The following TMEM268 variants were observed in gnomAD, a reference collection of about 807,000 sequenced individuals.
TMEM268 encodes the protein transmembrane protein C9orf91.
Under a neutral mutation model 39.1 loss-of-function variants are expected in TMEM268, and 24 were observed. That is an observed-to-expected ratio of 0.61 (90% confidence interval 0.44 to 0.86). The LOEUF is 0.86. Ranked by LOEUF, TMEM268 falls within the 40% of genes least tolerant of loss-of-function variation. The pLI, the probability that TMEM268 is intolerant of heterozygous loss-of-function variation, is 0.00. For missense variants in TMEM268, 409 were observed against 428.6 expected (o/e 0.95, Z 0.40); for synonymous variants, 176 against 173.5 (o/e 1.01, Z -0.12).
chr9:114,615,728 C>G (rs536843973), intron 1 of TMEM268, among the ~76,000 whole-genome samples: 2 of 152,298 alleles, frequency 1.3e-5, no homozygotes, highest in South Asian at 2.1e-4. Context: ...GTGTCTTGCT[C>G]TCTCAGGCTG....
chr9:114,605,334 C>CT, the TMEM268 span, among the ~76,000 whole-genome samples: 18 of 151,404 alleles, frequency 1.2e-4, 1 homozygote, highest in East Asian at 2.1e-3. Flanking sequence ...TCTAGTTTTG[C>CT]TTTTTTTTCT....
At position 114,646,299 on chromosome 9, in the gene TMEM268, A is replaced by G. The variant is rs1827565671; in HGVS notation, c.*2986A>G. 6.6e-6 allele frequency: 1 copy of G among 152,210 alleles called. No individual in the cohort carries two copies. The highest frequency in any genetic ancestry group is 2.1e-4 in the South Asian group (1 of 4,828). 9.4% of individuals were successfully genotyped at this position (152,210 alleles called of 1,614,324 possible). ...TTGAGTCTCATTCCTCATCTATAGG[A>G]TGGGAATAAGAGCATGTACCTGGCA... On this transcript the variant is annotated 3_prime_UTR_variant, in exon 9 of 9. Coordinates refer to ENST00000288502, the MANE Select transcript of TMEM268 (RefSeq NM_153045.4).
chr9:114,613,990 G>C (rs1845606029), intron 1 of TMEM268, among the ~76,000 whole-genome samples: 1 of 152,116 alleles, frequency 6.6e-6, no homozygotes, highest in South Asian at 2.1e-4. Flanking sequence ...TGAGGAAAGG[G>C]GCCTGTCTGG....
chr9:114,624,107 C>G, intron 2 of TMEM268: 1 of 607,090 alleles, frequency 1.6e-6, no homozygotes, highest in Non-Finnish European at 2.4e-6. Flanking sequence ...GAAAATTCTT[C>G]CTTATATGGT....
chr9:114,627,936 C>A (rs76455359), intron 4 of TMEM268, among the ~76,000 whole-genome samples, 165 bp from the exon 5 acceptor site: 5,798 of 152,250 alleles, frequency 0.038, 170 homozygotes, highest in Non-Finnish European at 0.052. Context: ...GGAACATTAG[C>A]TCATTCTCAC....
At chr9:114,611,675 G>C (rs946682376) in intron 1 of TMEM268, 111 bp downstream of exon 1, 4 of 153,100 alleles carry the variant, frequency 2.6e-5, no homozygotes, top group Middle Eastern at 3.4e-3. Flanking sequence ...GCCTGCGTTC[G>C]GGCCAGACGG....
At chr9:114,637,366 C>T (rs1846687472) in intron 7 of TMEM268, among the ~76,000 whole-genome samples, 1 of 150,598 alleles carries the variant, frequency 6.6e-6, no homozygotes, top group Non-Finnish European at 1.5e-5. Context: ...GATCTCTGCT[C>T]ACTGCAGCCT....
chr9:114,614,072 C>T (rs1344115339), intron 1 of TMEM268, among the ~76,000 whole-genome samples: 1 of 152,160 alleles, frequency 6.6e-6, no homozygotes, highest in Non-Finnish European at 1.5e-5. Flanking sequence ...GGAGGTAGAC[C>T]TCTCTATCCC....
chr9:114,616,667 A>AT lies in TMEM268; in HGVS notation c.-78-437dup, dbSNP rs779083795. Among the ~76,000 whole-genome samples the AT allele has an allele frequency of 9.7e-3, 1,386 of 143,478 alleles. 11 individuals are homozygous for AT. Among genetic ancestry groups the AT allele is most frequent in the African/African-American group, 0.027 (1,055 of 39,246 alleles). 94.1% of individuals were successfully genotyped at this position (143,478 alleles called of 152,430 possible). On this transcript the variant is annotated intron_variant, in intron 1 of 8. Transcript: ENST00000288502. ...AGGCGTGAGCCACCGTGCCTGGCTG[A>AT]TTTTTTTTTTTTTTAATGTGTATTT...
chr9:114,609,492 G>C (rs1052283931), upstream of TMEM268, among the ~76,000 whole-genome samples: 3 of 151,682 alleles, frequency 2.0e-5, no homozygotes, highest in Non-Finnish European at 2.9e-5. Flanking sequence ...AACATAGTAA[G>C]ACCCTGCATC....
At chr9:114,636,030 GGTCA>G (rs1482283602) in intron 6 of TMEM268, among the ~76,000 whole-genome samples, 1 of 152,200 alleles carries the variant, frequency 6.6e-6, no homozygotes, top group East Asian at 1.9e-4. Flanking sequence ...GGGTCTCATG[GGTCA>G]GTCAGTGGGA....
intron 5 of TMEM268, among the ~76,000 whole-genome samples, chr9:114,630,391 G>A (rs1846345617): frequency 6.6e-6 from 1 of 152,168 alleles, no homozygotes; most frequent in Non-Finnish European, 1.5e-5. Flanking sequence ...GAGGTCTCAG[G>A]TGCATCCTGG....
chr9:114,631,563 G>T (rs1286669368), intron 5 of TMEM268, among the ~76,000 whole-genome samples: 1 of 152,060 alleles, frequency 6.6e-6, no homozygotes, highest in Non-Finnish European at 1.5e-5. Context: ...CCATTTGGGG[G>T]TAAGGAGATG....
At position 114,645,673 on chromosome 9, in the gene TMEM268, G is replaced by A. The variant is rs1036235451; in HGVS notation, c.*2360G>A. On this transcript the variant is annotated 3_prime_UTR_variant, in exon 9 of 9. Transcript: ENST00000288502. The stretch of plus-strand genomic sequence containing the variant: ...AGTAATTAACAGAGAATAAAAATGT[G>A]TTTGTTAAATGACAAAGCAGCAGTT... 1 of 152,330 alleles carries A rather than the reference G, an allele frequency of 6.6e-6. No individual in the cohort carries two copies. Among genetic ancestry groups the A allele is most frequent in the African/African-American group, 2.4e-5 (1 of 41,468 alleles). The allele number at this position is 152,330 out of a possible 1,614,324, so 9.4% of individuals were successfully genotyped here. A position where few individuals can be genotyped will look rare whatever the true frequency, so the allele number is the denominator to read the frequency against.
In TMEM268 at chr9:114,614,892, C is replaced by CTT. The variant is rs57020988; in HGVS notation, c.-78-2205_-78-2204dup. Among the ~76,000 whole-genome samples the CTT allele has an allele frequency of 6.3e-3, 813 of 129,146 alleles. 14 individuals carry two copies. The highest frequency in any genetic ancestry group is 0.04 in the East Asian group (172 of 4,286). The allele number at this position is 129,146 out of a possible 152,430, so 84.7% of individuals were successfully genotyped here. A position where few individuals can be genotyped will look rare whatever the true frequency, so the allele number is the denominator to read the frequency against. ...AAACACCCATGACAGGTGTCACTGC[C>CTT]TTTTTTTTTTTTTTTTTTTTTTAAG... On this transcript the variant is annotated intron_variant, in intron 1 of 8. Transcript: ENST00000288502.
chr9:114,606,093 G>A, the TMEM268 span, among the ~76,000 whole-genome samples: 7 of 152,026 alleles, frequency 4.6e-5, no homozygotes, highest in South Asian at 6.2e-4. Context: ...TGAAAAGACC[G>A]ATAGTCTAGT....
chr9:114,624,555 A>G (rs1846081257), intron 3 of TMEM268, 96 bp downstream of exon 3: 1 of 1,493,458 alleles, frequency 6.7e-7, no homozygotes, highest in Non-Finnish European at 9.0e-7. Context: ...TTTATGAAAC[A>G]GTCTGTACCA....
At chr9:114,621,985 G>T (rs961906665) in intron 2 of TMEM268, 2 of 522,844 alleles carry the variant, frequency 3.8e-6, no homozygotes, top group Non-Finnish European at 4.9e-6. Flanking sequence ...AAGATGCATT[G>T]TAGAAGTAAA....
At chr9:114,635,153 C>A (rs1432117005) in intron 6 of TMEM268, among the ~76,000 whole-genome samples, 3 of 151,326 alleles carry the variant, frequency 2.0e-5, no homozygotes, top group African/African-American at 7.3e-5. Flanking sequence ...CCAGCCTGGG[C>A]AACGTGGTGA....
Sources: allele counts gnomAD v4.1 joint callset (sites outside exome capture counted in the v4.1 genomes callset), GRCh38; gene constraint gnomAD v4.1.1; transcripts MANE v1.5; gene names NCBI Gene and HGNC (gene_info 2026-07-23, HGNC 2026-07-21).